Variants in CYLD observed in about 807,000 individuals in gnomAD.
CYLD encodes CYLD lysine 63 deubiquitinase, also known as ubiquitin carboxyl-terminal hydrolase CYLD.
CYLD carries 26 observed loss-of-function variants against 104.5 expected under a neutral mutation model. That is an observed-to-expected ratio of 0.25 (90% CI 0.18 to 0.35). CYLD has a LOEUF of 0.35. CYLD is among the 10% of genes least tolerant of loss of function. The probability of loss-of-function intolerance (pLI) is 1.00; values close to 1 mark genes in which losing one functional copy is unlikely to be tolerated. For synonymous variants in CYLD, 385 were observed against 399.9 expected, an observed-to-expected ratio of 0.96 and a Z score of 0.45; for missense variants, 703 against 1,136.1, an observed-to-expected ratio of 0.62 and a Z score of 5.48.
Position 50,751,767 on chromosome 16 carries a change from T to C in CYLD, c.668T>C (p.Met223Thr), listed in dbSNP as rs764684461. 1.2e-6 allele frequency: 2 copies of C among 1,613,722 alleles called. No individual in the cohort carries two copies. Among genetic ancestry groups the C allele is most frequent in the South Asian group, 1.1e-5 (1 of 91,070 alleles). Residue 223 changes from methionine to threonine, a missense_variant, in exon 4 of 19, where the codon ATG becomes ACG. Around this residue, in one of 5 missense-constraint regions of CYLD, gnomAD observed 123 missense variants for 213.3 expected, o/e 0.58. Coordinates refer to ENST00000427738, the MANE Select transcript of CYLD (RefSeq NM_001378743.1). ...ESDYAGPGDTMQVELPPLEIN... is the reference protein window; with the variant it reads ...ESDYAGPGDTTQVELPPLEIN... ...GATTACGCAGGTCCTGGGGACACAA[T>C]GCAGGTCGAACTTCCTCCTTTGGAA...
intron 2 of CYLD, among the ~76,000 whole-genome samples, chr16:50,744,303 G>A (rs560598818): frequency 2.6e-4 from 39 of 151,906 alleles, no homozygotes; most frequent in African/African-American, 9.4e-4. Flanking sequence ...TTCTGGCCAC[G>A]GAATCTCTGT....
In CYLD at chr16:50,754,326, C is replaced by T. The variant is rs1250709324; in HGVS notation, c.815C>T (p.Pro272Leu). Residue 272 changes from proline (P) to leucine (L), a missense_variant, in exon 5 of 19, where the codon CCT becomes CTT. Pro to Leu is a moderately conservative substitution (Grantham distance 98). Coordinates refer to ENST00000427738, the MANE Select transcript of CYLD (RefSeq NM_001378743.1). ...TTATTATTTAATTTCTAGGATAACC[C>T]TATTGGCAACTGGGATGGAAGATTT... is the stretch of plus-strand genomic sequence containing the variant. ...GYFVGVDMDN[P>L]IGNWDGRFDG... 6.2e-7 allele frequency: 1 copy of T among 1,607,176 alleles called. No homozygotes were observed. The highest frequency in any genetic ancestry group is 1.7e-5 in the Admixed American group (1 of 60,002).
At chr16:50,752,307 A>G (rs1043538361) in intron 4 of CYLD, among the ~76,000 whole-genome samples, 5 of 151,730 alleles carry the variant, frequency 3.3e-5, no homozygotes, top group East Asian at 1.9e-4. Context: ...TTGAAGTCCT[A>G]TTTTTCTTTA....
intron 10 of CYLD, 108 bp downstream of exon 10, chr16:50,781,519 A>G (rs564420452): frequency 2.1e-5 from 28 of 1,355,360 alleles, no homozygotes; most frequent in Non-Finnish European, 2.8e-5. Context: ...ATTTCTTGCC[A>G]ACGCTCATTA....
Position 50,779,848 on chromosome 16 carries a change from C to T in CYLD, c.1322C>T (p.Ser441Leu), listed in dbSNP as rs1408946510. 1 of 1,613,850 alleles carries T rather than the reference C, an allele frequency of 6.2e-7. No homozygotes were observed. Among genetic ancestry groups the T allele is most frequent in the Non-Finnish European group, 8.5e-7 (1 of 1,180,004 alleles). ...GSIGHSPLSL[S>L]AQSVMEELNT... ...ATTGGCCACAGTCCACTTTCTCTGT[C>T]AGCCCAGTCTGTAATGGAAGAGCTA... is the stretch of plus-strand genomic sequence containing the variant. The change falls in exon 9 of 19, where the codon TCA (serine) becomes TTA (leucine). Residue 441 changes from serine (S) to leucine (L), a missense_variant. Physicochemically the swap from Ser to Leu is moderately radical, Grantham distance 145. Coordinates refer to ENST00000427738, the MANE Select transcript of CYLD (RefSeq NM_001378743.1).
At chr16:50,788,303 G>A (rs1256252640) in intron 14 of CYLD, among the ~76,000 whole-genome samples, 1 of 152,112 alleles carries the variant, frequency 6.6e-6, no homozygotes, top group African/African-American at 2.4e-5. Context: ...CACCCACCAT[G>A]TTGAATGAAA....
chr16:50,786,525 C>T (rs1039477748), intron 12 of CYLD: 17 of 255,768 alleles, frequency 6.6e-5, no homozygotes, highest in East Asian at 1.0e-4. Flanking sequence ...TTTGGGAGGC[C>T]GAGGTGGGCG....
chr16:50,764,147 G>A (rs1968243504), intron 5 of CYLD, among the ~76,000 whole-genome samples: 1 of 152,044 alleles, frequency 6.6e-6, no homozygotes, highest in Non-Finnish European at 1.5e-5. Context: ...AAGAGATATT[G>A]GCCTATACTT....
chr16:50,769,787 G>C (rs924759275), intron 5 of CYLD, among the ~76,000 whole-genome samples: 1 of 152,054 alleles, frequency 6.6e-6, no homozygotes, highest in Non-Finnish European at 1.5e-5. Flanking sequence ...TTTTACTGCC[G>C]CACAAATTCC....
At chr16:50,743,283 C>A (rs186765430) in intron 2 of CYLD, among the ~76,000 whole-genome samples, 78 of 152,282 alleles carry the variant, frequency 5.1e-4, no homozygotes, top group African/African-American at 1.8e-3. Flanking sequence ...TTTCTACACA[C>A]CCCCTCACGC....
rs796838903 is a variant in CYLD, at chr16:50,798,875, A to C, written c.*2367A>C. On this transcript the variant is annotated 3_prime_UTR_variant, in exon 19 of 19. Transcript: ENST00000427738. ...GTTACTTGGGGAGGGAGTGCTCATT[A>C]AGGGATGCCAGGGCCAGCTCTGGTG... The C allele has an allele frequency of 1.2e-4, 29 of 233,324 alleles. No individual in the cohort carries two copies. The highest frequency in any genetic ancestry group is 5.1e-4 in the African/African-American group (23 of 45,436). The allele number at this position is 233,324 out of a possible 1,614,324, so 14.5% of individuals were successfully genotyped here. A position where few individuals can be genotyped will look rare whatever the true frequency, so the allele number is the denominator to read the frequency against.
At chr16:50,752,003 TACACAC>T in intron 4 of CYLD, 97 bp downstream of exon 4, 1 of 342,840 alleles carries the variant, frequency 2.9e-6, no homozygotes, top group Non-Finnish European at 4.6e-6. Flanking sequence ...CACATATATA[TACACAC>T]ATATATATGT....
At chr16:50,751,007 A>AT (rs1371135696) in intron 3 of CYLD, among the ~76,000 whole-genome samples, 41 of 152,188 alleles carry the variant, frequency 2.7e-4, no homozygotes, top group Admixed American at 2.0e-4. Flanking sequence ...TGCCAATTAC[A>AT]TTTTGACACT....
chr16:50,801,499 A>G lies in CYLD; in HGVS notation c.*4991A>G, dbSNP rs1379821304. 2 of 233,732 alleles carry G rather than the reference A, an allele frequency of 8.6e-6. No individual in the cohort carries two copies. Among genetic ancestry groups the G allele is most frequent in the African/African-American group, 2.2e-5 (1 of 45,368 alleles). 14.5% of individuals were successfully genotyped at this position (233,732 alleles called of 1,614,324 possible). A position where few individuals can be genotyped will look rare whatever the true frequency, so the allele number is the denominator to read the frequency against. The stretch of plus-strand genomic sequence containing the variant: ...AATATTGTCCACTTTAACTTAAAAA[A>G]TTCTAGAGGGATTATATTGGAGACT... On this transcript the variant is annotated 3_prime_UTR_variant, in exon 19 of 19. Transcript: ENST00000427738.
intron 1 of CYLD, 71 bp downstream of exon 1, chr16:50,742,195 GGGCGACGCCCCGCCGCC>G (rs1176947005): frequency 2.0e-5 from 3 of 151,842 alleles, no homozygotes; most frequent in Non-Finnish European, 4.4e-5. Flanking sequence ...CCGGGGCGAG[GGGCGACGCCCCGCCGCC>G]CGAGGTTAGT....
rs745746917 is a variant in CYLD, at chr16:50,796,473, A to G, written c.2836A>G (p.Met946Val). The G allele has an allele frequency of 1.9e-6, 3 of 1,613,744 alleles. No individual in the cohort carries two copies. The Admixed American group carries it at 5.0e-5, about 27-fold the overall frequency. ...ACTGCTTTGTGATGCATATATGTGC[A>G]TGTACCAGAGTCCAACAATGAGTTT... Reference protein sequence around the residue: ...RRLLCDAYMCMYQSPTMSLYK With the variant: ...RRLLCDAYMCVYQSPTMSLYK Residue 946 changes from methionine (M) to valine (V), a missense_variant, in exon 19 of 19, where the codon ATG becomes GTG. By Grantham distance (21) the Met-to-Val change is conservative. This residue lies in a region of CYLD where 130 missense variants were observed against 220.2 expected (regional missense o/e 0.59). Transcript: ENST00000427738.
intron 12 of CYLD, 140 bp from the exon 13 acceptor site, chr16:50,786,714 CG>C: frequency 1.6e-6 from 1 of 632,426 alleles, no homozygotes; most frequent in Non-Finnish European, 2.7e-6. Flanking sequence ...GAGCTGAGAT[CG>C]GGCCACTGCA....
At chr16:50,775,302 G>T in intron 6 of CYLD, 128 bp downstream of exon 6, 1 of 701,302 alleles carries the variant, frequency 1.4e-6, no homozygotes. Flanking sequence ...GATCATTGCT[G>T]GGCTTTAAGG....
At chr16:50,764,923 T>A (rs923935845) in intron 5 of CYLD, among the ~76,000 whole-genome samples, 3 of 152,240 alleles carry the variant, frequency 2.0e-5, no homozygotes, top group African/African-American at 4.8e-5. Context: ...GGAGTTATGC[T>A]CATTTTATAA....
Sources: allele counts gnomAD v4.1 joint callset (sites outside exome capture counted in the v4.1 genomes callset), GRCh38; gene constraint gnomAD v4.1.1; regional missense constraint gnomAD v4.1.1; transcripts MANE v1.5; gene names NCBI Gene and HGNC (gene_info 2026-07-23, HGNC 2026-07-21).